The following NDUFB10 variants were observed in gnomAD, a reference collection of about 807,000 sequenced individuals.
NDUFB10 encodes the protein NADH:ubiquinone oxidoreductase subunit B10, also known as NADH dehydrogenase [ubiquinone] 1 beta subcomplex subunit 10.
Under a neutral mutation model 19.0 loss-of-function variants are expected in NDUFB10, and 23 were observed. The ratio of observed to expected loss-of-function variants is 1.21; its 90% CI spans 0.87 to 1.71. The LOEUF (loss-of-function observed/expected upper bound fraction) is 1.71, where lower values mean the gene tolerates loss of function less well. Ranked by LOEUF, NDUFB10 falls within the 40% of genes most tolerant of loss-of-function variation. The pLI is 0.00. For missense variants in NDUFB10, 312 were observed against 230.6 expected (o/e 1.35, Z -2.29); for synonymous variants, 104 against 81.8 (o/e 1.27, Z -1.46).
rs537338514 is a variant in NDUFB10 at position 1,961,507 on chromosome 16, C to G, written c.280C>G (p.Gln94Glu). The part of the protein sequence containing the change: ...MQWKRDYKVD[Q>E]EIINIMQDRL... ...CCTTTTCTCCACCAGCAAAGTCGAC[C>G]AAGAAATTATCAACATTATGCAGGA... The change falls in exon 3 of 4, where the codon CAA becomes GAA. Residue 94 changes from glutamine (Q) to glutamate (E), a missense_variant. Coordinates refer to ENST00000268668, the MANE Select transcript of NDUFB10 (RefSeq NM_004548.3). 3.7e-6 allele frequency: 6 copies of G among 1,613,974 alleles called. No homozygotes were observed. Among genetic ancestry groups the G allele is most frequent in the South Asian group, 3.3e-5 (3 of 91,072 alleles).
rs1342049975 is a variant in NDUFB10, at chr16:1,959,692, C to A, written c.68C>A (p.Pro23His). 2.9e-5 allele frequency: 47 copies of A among 1,613,330 alleles called. No homozygotes were observed. The highest frequency in any genetic ancestry group is 3.7e-5 in the Non-Finnish European group (44 of 1,179,798). Residue 23 changes from proline (P) to histidine (H), a missense_variant, in exon 1 of 4, where the codon CCC becomes CAC. Pro to His is a moderately conservative substitution (Grantham distance 77). Coordinates refer to ENST00000268668, the MANE Select transcript of NDUFB10 (RefSeq NM_004548.3). ...PPRRTPVQPN[P>H]IVYMMKAFDL... ...CGCCGCACGCCGGTGCAGCCCAATC[C>A]CATCGTCTACATGATGAAAGCGTTC... is the stretch of plus-strand genomic sequence containing the variant.
chr16:1,959,841 G>A (rs2083241842), intron 1 of NDUFB10, 87 bp downstream of exon 1: 1 of 1,553,516 alleles, frequency 6.4e-7, no homozygotes, highest in South Asian at 1.2e-5. Flanking sequence ...ATGCCTCCGG[G>A]GTCCCGTCTG....
chr16:1,960,941 G>T (rs1168552206), intron 1 of NDUFB10, among the ~76,000 whole-genome samples: 3 of 152,214 alleles, frequency 2.0e-5, no homozygotes, highest in Admixed American at 2.0e-4. Context: ...GATGATGCCT[G>T]GTACTCGGGA....
rs994412715 is a variant in NDUFB10 at position 1,961,840 on chromosome 16, C to T, written c.453C>T (p.Ala151=). Residue 151 remains alanine, a synonymous_variant, in exon 4 of 4, where the codon GCC becomes GCT. Coordinates refer to ENST00000268668, the MANE Select transcript of NDUFB10 (RefSeq NM_004548.3). ...ACAGTTCTGCCAGGAAGTGCCTGGC[C>T]AAACAGAGGCAGAGGATGCTGCAAG... The part of the protein sequence containing the change: ...GAYSSARKCL[A]KQRQRMLQER... 6.4e-7 allele frequency: 1 copy of T among 1,563,494 alleles called. No individual in the cohort carries two copies. Among genetic ancestry groups the T allele is most frequent in the Admixed American group, 1.9e-5 (1 of 52,050 alleles).
chr16:1,961,024 C>CTGTTT, intron 1 of NDUFB10, 129 bp from the exon 2 acceptor site: 1 of 1,164,520 alleles, frequency 8.6e-7, no homozygotes, highest in Non-Finnish European at 1.2e-6. Context: ...AGACGAATTG[C>CTGTTT]TGTTTTCTAA....
At position 1,961,311 on chromosome 16, in the gene NDUFB10, A is replaced by G; in HGVS notation, c.269+20A>G. On this transcript the variant is annotated intron_variant, in intron 2 of 3. Transcript: ENST00000268668. The stretch of plus-strand genomic sequence containing the variant: ...GGACTAGTACGTGAGCCATGCTGGG[A>G]GTGTGGAGATCTGCACCGTGTGCTG... The G allele has an allele frequency of 3.1e-6, 5 of 1,613,746 alleles. No individual in the cohort carries two copies. Among genetic ancestry groups the G allele is most frequent in the Non-Finnish European group, 4.2e-6 (5 of 1,179,972 alleles).
At position 1,961,111 on chromosome 16, in the gene NDUFB10, C is replaced by T. The variant is rs2083251039; in HGVS notation, c.131-42C>T. The T allele has an allele frequency of 4.4e-6, 7 of 1,608,650 alleles. No homozygotes were observed. The East Asian group carries it at 1.6e-4, about 36-fold the overall frequency. ...GAAATAAGAAAGCTAAAAGCCTGTC[C>T]AAACCGATGAGGCATTTGAGTCTGT... On this transcript the variant is annotated intron_variant, in intron 1 of 3. Transcript: ENST00000268668.
In NDUFB10 at chr16:1,959,639, G is replaced by C. The variant is rs778136686; in HGVS notation, c.15G>C (p.Trp5Cys). ...CCGCCGCCGCCATGCCGGACAGCTG[G>C]GACAAGGATGTGTACCCTGAGCCCC... MPDS[W>C]DKDVYPEPPR... is the part of the protein sequence containing the mutation. The change falls in exon 1 of 4, where the codon TGG (tryptophan) becomes TGC (cysteine). Residue 5 changes from tryptophan (W) to cysteine (C), a missense_variant. By Grantham distance (215) the Trp-to-Cys change is radical (BLOSUM62 -2). Coordinates refer to ENST00000268668, the MANE Select transcript of NDUFB10 (RefSeq NM_004548.3). 6.2e-7 allele frequency: 1 copy of C among 1,611,798 alleles called. No homozygotes were observed.
intron 1 of NDUFB10, 144 bp downstream of exon 1, chr16:1,959,898 G>A (rs2083242329): frequency 3.5e-6 from 4 of 1,139,840 alleles, no homozygotes; most frequent in Non-Finnish European, 4.9e-6. Flanking sequence ...CCCCACCCCC[G>A]GAGACCTCCG....
At position 1,961,287 on chromosome 16, in the gene NDUFB10, G is replaced by C. The variant is rs1244126256; in HGVS notation, c.265G>C (p.Asp89His). The stretch of plus-strand genomic sequence containing the variant: ...TGAAGCCGAAATGCAGTGGAAGAGG[G>C]ACTAGTACGTGAGCCATGCTGGGAG... Reference protein sequence around the residue: ...MYEAEMQWKRDYKVDQEIINI... With the variant: ...MYEAEMQWKRHYKVDQEIINI... The change falls in exon 2 of 4, where the codon GAC (aspartate) becomes CAC (histidine). Residue 89 changes from aspartate to histidine, a missense_variant. By Grantham distance (81) the Asp-to-His change is moderately conservative. Transcript: ENST00000268668. The C allele has an allele frequency of 6.2e-7, 1 of 1,613,956 alleles. No homozygotes were observed. The highest frequency in any genetic ancestry group is 1.7e-5 in the Admixed American group (1 of 60,024).
At chr16:1,961,420 T>C in intron 2 of NDUFB10, 77 bp from the exon 3 acceptor site, 1 of 1,595,150 alleles carries the variant, frequency 6.3e-7, no homozygotes, top group South Asian at 1.1e-5. Context: ...CCCAGGGCTC[T>C]TGCTTTCAAT....
rs931610888 is a variant in NDUFB10, at chr16:1,961,669, A to G, written c.409+33A>G. The G allele has an allele frequency of 1.1e-5, 6 of 560,262 alleles. No individual in the cohort carries two copies. The Admixed American group carries it at 1.3e-4, about 12-fold the overall frequency. The allele number at this position is 560,262 out of a possible 1,614,324, so 34.7% of individuals were successfully genotyped here. A position where few individuals can be genotyped will look rare whatever the true frequency, so the allele number is the denominator to read the frequency against. On this transcript the variant is annotated intron_variant, in intron 3 of 3. Coordinates refer to ENST00000268668, the MANE Select transcript of NDUFB10 (RefSeq NM_004548.3). ...CCCCACCCACCCCCAACCCCCCACC[A>G]TCCTCCTGAGGCCTGGGGGCCAGAA...
rs969809673 is a variant in NDUFB10, at chr16:1,960,225, G to T, written c.130+471G>T. Among the ~76,000 whole-genome samples the T allele has an allele frequency of 3.1e-4, 46 of 146,842 alleles. 1 individual carries two copies. Among genetic ancestry groups the T allele is most frequent in the Middle Eastern group, 3.5e-3 (1 of 286 alleles). ...GAAAATGCCCAGTTCAGTTTTTGTTGTTTTTTTTTTTCCTGAGACAGTCTC... is the reference window on the plus strand; with the variant it reads ...GAAAATGCCCAGTTCAGTTTTTGTTTTTTTTTTTTTTCCTGAGACAGTCTC... On this transcript the variant is annotated intron_variant, in intron 1 of 3. Transcript: ENST00000268668.
At chr16:1,961,098 C>A in intron 1 of NDUFB10, 55 bp from the exon 2 acceptor site, 1 of 1,596,382 alleles carries the variant, frequency 6.3e-7, no homozygotes, top group Admixed American at 1.7e-5. Flanking sequence ...AATAAGAAAG[C>A]TAAAAGCCTG....
rs547135665 is a variant in NDUFB10, at chr16:1,961,716, C to T, written c.409+80C>T. The T allele has an allele frequency of 1.3e-5, 20 of 1,532,700 alleles. No homozygotes were observed. The East Asian group carries it at 4.9e-4, about 38-fold the overall frequency. The allele number at this position is 1,532,700 out of a possible 1,614,324, so 94.9% of individuals were successfully genotyped here. On this transcript the variant is annotated intron_variant, in intron 3 of 3. Transcript: ENST00000268668. The stretch of plus-strand genomic sequence containing the variant: ...AGAACCATTGCAAATCTTCCCTCCC[C>T]TCCCTTGTGCTCACTTGACTTTGCC...
At chr16:1,961,099 TAA>T (rs2083250937) in intron 1 of NDUFB10, 52 bp from the exon 2 acceptor site, 23 of 1,598,406 alleles carry the variant, frequency 1.4e-5, no homozygotes, top group Non-Finnish European at 1.9e-5. Context: ...ATAAGAAAGC[TAA>T]AAGCCTGTCC....
intron 3 of NDUFB10, 63 bp downstream of exon 3, chr16:1,961,699 T>G (rs1332403715): frequency 3.8e-6 from 5 of 1,300,606 alleles, no homozygotes; most frequent in Non-Finnish European, 5.1e-6. Flanking sequence ...CCAGAACCAT[T>G]GCAAATCTTC....
chr16:1,960,813 G>A (rs552571122), intron 1 of NDUFB10, among the ~76,000 whole-genome samples: 17 of 152,346 alleles, frequency 1.1e-4, no homozygotes, highest in African/African-American at 3.6e-4. Context: ...CAGGGTCCCT[G>A]TGCAGCTGGG....
rs769138080 is a variant in NDUFB10, at chr16:1,961,133, C to G, written c.131-20C>G. The G allele has an allele frequency of 6.2e-7, 1 of 1,613,038 alleles. No individual in the cohort carries two copies. Among genetic ancestry groups the G allele is most frequent in the East Asian group, 2.2e-5 (1 of 44,870 alleles). Reference sequence around the variant, plus strand: ...GTCCAAACCGATGAGGCATTTGAGTCTGTGGCTTTGTCTTTGCAGAATTTA... The same window carrying G: ...GTCCAAACCGATGAGGCATTTGAGTGTGTGGCTTTGTCTTTGCAGAATTTA... On this transcript the variant is annotated intron_variant, in intron 1 of 3. Transcript: ENST00000268668.
Sources: gnomAD v4.1 joint callset for allele counts (sites outside exome capture counted in the v4.1 genomes callset) on GRCh38, gnomAD v4.1.1 for gene constraint, MANE v1.5 for transcripts, NCBI Gene and HGNC (gene_info 2026-07-23, HGNC 2026-07-21) for gene names.